Variants in ARHGAP15 observed in about 807,000 individuals in gnomAD.
ARHGAP15 encodes Rho GTPase activating protein 15.
In ARHGAP15, 51 loss-of-function variants were observed where a neutral mutation model predicts 63.7. The observed-to-expected ratio is 0.80, with a 90% CI of 0.64 to 1.01. The LOEUF is 1.01. Ranked by LOEUF, ARHGAP15 falls within the 50% of genes least tolerant of loss-of-function variation. The pLI is 0.00. For synonymous variants in ARHGAP15, 191 were observed against 193.8 expected, an observed-to-expected ratio of 0.99 and a Z score of 0.12; for missense variants, 560 against 564.6, an observed-to-expected ratio of 0.99 and a Z score of 0.08.
chr2:143,533,163 A>AG (rs1363614391), intron 10 of ARHGAP15: 1 of 152,214 alleles, frequency 6.6e-6, no homozygotes, highest in Non-Finnish European at 1.5e-5. Context: ...GATGATGAGC[A>AG]GGGGGAATGC....
At chr2:143,142,344 C>CATTAG (rs1470357808) in intron 1 of ARHGAP15, among the ~76,000 whole-genome samples, 1 of 152,040 alleles carries the variant, frequency 6.6e-6, no homozygotes, top group African/African-American at 2.4e-5. Flanking sequence ...CTGACTGGAG[C>CATTAG]ATTAGATTAT....
At chr2:143,547,436 A>G (rs1250984791) in intron 10 of ARHGAP15, among the ~76,000 whole-genome samples, 1 of 152,090 alleles carries the variant, frequency 6.6e-6, no homozygotes, top group Non-Finnish European at 1.5e-5. Context: ...TTAGATGTAT[A>G]GAGGCTATAT....
At chr2:143,519,146 CAA>C in intron 9 of ARHGAP15, 118 bp from the exon 10 acceptor site, 3 of 640,754 alleles carry the variant, frequency 4.7e-6, no homozygotes, top group Non-Finnish European at 5.3e-6. Flanking sequence ...GGAAATAAAG[CAA>C]AAAAAAAATC....
intron 11 of ARHGAP15, among the ~76,000 whole-genome samples, chr2:143,568,130 A>G (rs894024941): frequency 6.6e-6 from 1 of 152,238 alleles, no homozygotes; most frequent in Non-Finnish European, 1.5e-5. Context: ...CATGACTAAA[A>G]CACCAAAAGC....
chr2:143,309,116 A>G (rs1683319877), intron 6 of ARHGAP15, among the ~76,000 whole-genome samples: 1 of 152,074 alleles, frequency 6.6e-6, no homozygotes, highest in East Asian at 1.9e-4. Flanking sequence ...GCGTAATAAA[A>G]GATGACACAC....
intron 11 of ARHGAP15, among the ~76,000 whole-genome samples, chr2:143,586,207 T>C (rs1368932254): frequency 6.6e-6 from 1 of 152,170 alleles, no homozygotes; most frequent in African/African-American, 2.4e-5. Context: ...ATATTTTTAA[T>C]TCCTAAATTT....
chr2:143,249,144 T>C (rs1166237167), intron 5 of ARHGAP15, among the ~76,000 whole-genome samples: 2 of 152,152 alleles, frequency 1.3e-5, no homozygotes, highest in Admixed American at 1.3e-4. Flanking sequence ...AAAATCTCTT[T>C]AAGGAGCATG....
At chr2:143,168,833 T>A (rs1050527290) in intron 2 of ARHGAP15, among the ~76,000 whole-genome samples, 3 of 152,070 alleles carry the variant, frequency 2.0e-5, no homozygotes, top group African/African-American at 7.2e-5. Context: ...ACTTTTAAAC[T>A]TTGTTAGAAT....
chr2:143,232,509 T>A (rs1693485890), intron 5 of ARHGAP15, among the ~76,000 whole-genome samples: 1 of 152,202 alleles, frequency 6.6e-6, no homozygotes, highest in African/African-American at 2.4e-5. Context: ...TATAACTCAC[T>A]TAAAATATTA....
At chr2:143,413,971 G>GCGCGTGCA (rs147891307) in intron 6 of ARHGAP15, among the ~76,000 whole-genome samples, 1 of 147,640 alleles carries the variant, frequency 6.8e-6, no homozygotes, top group South Asian at 2.2e-4. Context: ...GTGTGTGCGC[G>GCGCGTGCA]CTCTCTGGCA....
rs147681634 is a variant in ARHGAP15 at position 143,554,618 on chromosome 2, G to A, written c.926-1790G>A. 5.9e-5 allele frequency among the ~76,000 whole-genome samples: 9 copies of A among 152,058 alleles called. No individual in the cohort carries two copies. The East Asian group carries it at 1.7e-3, about 29-fold the overall frequency. Reference sequence around the variant, plus strand: ...ATAGGTTAAAACTAAGTACCAAACAGCATCTAATGACAAAGGAAAAAAAGA... The same window carrying A: ...ATAGGTTAAAACTAAGTACCAAACAACATCTAATGACAAAGGAAAAAAAGA... On this transcript the variant is annotated intron_variant, in intron 10 of 13. Transcript: ENST00000295095.
chr2:143,246,121 C>G (rs1694036437), intron 5 of ARHGAP15, among the ~76,000 whole-genome samples: 1 of 152,032 alleles, frequency 6.6e-6, no homozygotes. Flanking sequence ...AACTTGGAAT[C>G]CGATAAAAGT....
intron 6 of ARHGAP15, among the ~76,000 whole-genome samples, chr2:143,395,843 G>T (rs1390951435): frequency 6.6e-6 from 1 of 152,014 alleles, no homozygotes; most frequent in African/African-American, 2.4e-5. Flanking sequence ...GTCCCTGTCA[G>T]CTATACTAAA....
intron 10 of ARHGAP15, among the ~76,000 whole-genome samples, chr2:143,549,950 G>A (rs1280313158): frequency 1.3e-5 from 2 of 152,238 alleles, no homozygotes; most frequent in Admixed American, 6.5e-5. Context: ...AGGTACCCAT[G>A]ACCACTGTTT....
intron 10 of ARHGAP15, among the ~76,000 whole-genome samples, chr2:143,529,167 C>T (rs931771298): frequency 5.9e-5 from 9 of 152,080 alleles, no homozygotes; most frequent in African/African-American, 2.2e-4. Flanking sequence ...GATGTTCCTC[C>T]TATTTTATTT....
intron 8 of ARHGAP15, among the ~76,000 whole-genome samples, chr2:143,469,916 AC>A (rs1039607069): frequency 8.6e-5 from 13 of 151,794 alleles, no homozygotes; most frequent in African/African-American, 2.9e-4. Context: ...ATGCTGGACT[AC>A]CCTTTCCAAG....
chr2:143,238,958 A>G (rs1456800492), intron 5 of ARHGAP15, among the ~76,000 whole-genome samples: 1 of 152,046 alleles, frequency 6.6e-6, no homozygotes, highest in Non-Finnish European at 1.5e-5. Context: ...AAACACACTT[A>G]TAAGTGGGAG....
chr2:143,402,409 G>T (rs1005397332), intron 6 of ARHGAP15, among the ~76,000 whole-genome samples: 1 of 151,750 alleles, frequency 6.6e-6, no homozygotes, highest in African/African-American at 2.4e-5. Flanking sequence ...CAACAGCAAA[G>T]GTACTAGGGA....
chr2:143,753,059 C>T lies in ARHGAP15; in HGVS notation c.1245-14930C>T, dbSNP rs796080247. On this transcript the variant is annotated intron_variant, in intron 13 of 13. Coordinates refer to ENST00000295095, the MANE Select transcript of ARHGAP15 (RefSeq NM_018460.4). ...ACTCAGCAGGTCGAGGCGGGAAGAT[C>T]GCTTGACCCAAGGAGTTAGAGGTTA... is the stretch of plus-strand genomic sequence containing the variant. Among the ~76,000 whole-genome samples, 5 of 152,284 alleles carry T rather than the reference C, an allele frequency of 3.3e-5. No homozygotes were observed. The East Asian group carries it at 7.7e-4, about 24-fold the overall frequency.
Sources: allele counts gnomAD v4.1 joint callset (sites outside exome capture counted in the v4.1 genomes callset), GRCh38; gene constraint gnomAD v4.1.1; transcripts MANE v1.5; gene names NCBI Gene and HGNC (gene_info 2026-07-23, HGNC 2026-07-21).